Variants in RPS6KA6 observed in about 807,000 individuals in gnomAD.
RPS6KA6 encodes the protein ribosomal protein S6 kinase A6, also known as ribosomal protein S6 kinase alpha-6.
A neutral mutation model predicts 65.4 loss-of-function variants in RPS6KA6; 27 were observed. The ratio of observed to expected loss-of-function variants is 0.41; its 90% CI spans 0.30 to 0.57. RPS6KA6 has a LOEUF of 0.57. Ranked by LOEUF, RPS6KA6 falls within the 20% of genes least tolerant of loss-of-function variation. The pLI is 0.24. For missense variants in RPS6KA6, 486 were observed against 555.6 expected (o/e 0.87, Z 1.26); for synonymous variants, 190 against 184.2 (o/e 1.03, Z -0.26).
Position 84,139,560 on chromosome X carries a change from C to T in RPS6KA6, c.502-4350G>A, listed in dbSNP as rs2035058366. Among the ~76,000 whole-genome samples the T allele has an allele frequency of 7.2e-5, 8 of 111,742 alleles. No individual in the cohort carries two copies. The Admixed American group carries it at 7.6e-4, about 11-fold the overall frequency. On this transcript the variant is annotated intron_variant, in intron 6 of 21. Coordinates refer to ENST00000262752, the MANE Select transcript of RPS6KA6 (RefSeq NM_014496.5). ...GCCACTTAAGCACTGGCTAGCATAC[C>T]AGAAACACACTGTTCCTTTATCACA... is the stretch of plus-strand genomic sequence containing the variant.
chrX:84,172,290 G>T (rs1335663204), intron 1 of RPS6KA6, among the ~76,000 whole-genome samples: 2 of 111,496 alleles, frequency 1.8e-5, no homozygotes, highest in African/African-American at 6.5e-5. Context: ...GGTATTTCTG[G>T]TCCTAGATCC....
intron 6 of RPS6KA6, among the ~76,000 whole-genome samples, chrX:84,136,198 C>T (rs773189590): frequency 1.6e-4 from 18 of 111,254 alleles, no homozygotes; most frequent in East Asian, 8.4e-4. Context: ...GCAAGAACTC[C>T]GGATTGGCAA....
At chrX:84,140,898 GA>G (rs766986572) in intron 6 of RPS6KA6, among the ~76,000 whole-genome samples, 2 of 109,152 alleles carry the variant, frequency 1.8e-5, no homozygotes, top group Non-Finnish European at 3.8e-5. Context: ...CCAAAAGTTA[GA>G]ATGAAAAGCC....
chrX:84,132,728 C>A (rs745755623), intron 8 of RPS6KA6, among the ~76,000 whole-genome samples: 1 of 105,637 alleles, frequency 9.5e-6, no homozygotes, highest in African/African-American at 3.4e-5. Context: ...TTGGGAATAT[C>A]CACTCTCATC....
intron 8 of RPS6KA6, among the ~76,000 whole-genome samples, chrX:84,123,766 T>C (rs1331545382): frequency 8.9e-6 from 1 of 112,103 alleles, no homozygotes; most frequent in Non-Finnish European, 1.9e-5. Context: ...GGGGAACTCA[T>C]TGCCCTGAAA....
chrX:84,058,398 A>G lies in RPS6KA6; in HGVS notation c.*5879T>C, dbSNP rs1266415858. 1.8e-5 allele frequency: 2 copies of G among 112,259 alleles called. No individual in the cohort carries two copies. The highest frequency in any genetic ancestry group is 3.8e-5 in the Non-Finnish European group (2 of 53,288). 9.3% of individuals were successfully genotyped at this position (112,259 alleles called of 1,213,427 possible). On this transcript the variant is annotated 3_prime_UTR_variant, in exon 22 of 22. Coordinates refer to ENST00000262752, the MANE Select transcript of RPS6KA6 (RefSeq NM_014496.5). The stretch of plus-strand genomic sequence containing the variant: ...ATTTGGTACCCAGAGAATGCCAGTA[A>G]TTTAACATATCTTGAGAACTGTTGC...
At chrX:84,187,278 C>G (rs1412216109) in intron 1 of RPS6KA6, 4 of 111,924 alleles carry the variant, frequency 3.6e-5, no homozygotes, top group African/African-American at 1.3e-4. Context: ...TTACAAGGAA[C>G]CATAACAAGC....
rs2035582796 is a variant in RPS6KA6 at position 84,165,475 on chromosome X, G to A, written c.82-1088C>T. On this transcript the variant is annotated intron_variant, in intron 1 of 21. Transcript: ENST00000262752. ...AAATTAACTCTGATGAATTCCCTAG[G>A]TTTATTTTCTACCTTTATCTCCTGA... Among the ~76,000 whole-genome samples the A allele has an allele frequency of 3.6e-5, 4 of 111,255 alleles. No individual in the cohort carries two copies. The Admixed American group carries it at 3.8e-4, about 11-fold the overall frequency.
At chrX:84,148,790 T>C (rs1285904302) in intron 3 of RPS6KA6, among the ~76,000 whole-genome samples, 1 of 111,762 alleles carries the variant, frequency 8.9e-6, no homozygotes, top group African/African-American at 3.3e-5. Context: ...GTGGAGGGTC[T>C]TGCCTCAATG....
chrX:84,150,692 C>G (rs929508888), intron 3 of RPS6KA6, among the ~76,000 whole-genome samples: 15 of 107,660 alleles, frequency 1.4e-4, no homozygotes, highest in Non-Finnish European at 2.1e-4. Context: ...ACACTAACAT[C>G]AAAGATCACA....
chrX:84,112,874 C>T (rs918157182), intron 12 of RPS6KA6, among the ~76,000 whole-genome samples: 1 of 111,509 alleles, frequency 9.0e-6, no homozygotes, highest in Non-Finnish European at 1.9e-5. Context: ...AAATGAGAAG[C>T]TGGTTCTTTG....
Position 84,059,307 on chromosome X carries a change from T to G in RPS6KA6, c.*4970A>C, listed in dbSNP as rs1051113823. Reference sequence around the variant, plus strand: ...CCACCACACCTGGCTAACTTTGTATTTTTAGTAGAGACGGGTTTCTCCATG... The same window carrying G: ...CCACCACACCTGGCTAACTTTGTATGTTTAGTAGAGACGGGTTTCTCCATG... On this transcript the variant is annotated 3_prime_UTR_variant, in exon 22 of 22. Coordinates refer to ENST00000262752, the MANE Select transcript of RPS6KA6 (RefSeq NM_014496.5). 9 of 108,160 alleles carry G rather than the reference T, an allele frequency of 8.3e-5. No homozygotes were observed. The highest frequency in any genetic ancestry group is 3.0e-4 in the African/African-American group (9 of 29,618). 8.9% of individuals were successfully genotyped at this position (108,160 alleles called of 1,213,427 possible).
chrX:84,147,934 C>T (rs898208972), intron 4 of RPS6KA6, 108 bp downstream of exon 4: 3 of 413,443 alleles, frequency 7.3e-6, no homozygotes, highest in African/African-American at 5.1e-5. Flanking sequence ...CCACAAATAC[C>T]AATGTTAAAA....
intron 1 of RPS6KA6, among the ~76,000 whole-genome samples, chrX:84,180,520 CTTT>C (rs1334214663): frequency 3.7e-4 from 41 of 111,638 alleles, no homozygotes; most frequent in Admixed American, 3.8e-4. Context: ...ACCACATTGT[CTTT>C]ATTATAGTTA....
chrX:84,091,356 T>C (rs6616895), intron 20 of RPS6KA6, among the ~76,000 whole-genome samples: 6,943 of 112,142 alleles, frequency 0.062, 229 homozygotes, highest in East Asian at 0.2. Context: ...AAGTATCCAA[T>C]TGAGTACTCA....
At chrX:84,150,373 A>G (rs887957538) in intron 3 of RPS6KA6, among the ~76,000 whole-genome samples, 11 of 111,875 alleles carry the variant, frequency 9.8e-5, no homozygotes, top group African/African-American at 3.2e-4. Flanking sequence ...GTTTGGCACA[A>G]GAACCTTAGC....
At chrX:84,145,351 C>A in intron 6 of RPS6KA6, 127 bp downstream of exon 6, 1 of 430,730 alleles carries the variant, frequency 2.3e-6, no homozygotes, top group Non-Finnish European at 4.0e-6. Flanking sequence ...TTACCAAATA[C>A]TATGCAATGA....
At position 84,059,127 on chromosome X, in the gene RPS6KA6, T is replaced by G. The variant is rs1228602907; in HGVS notation, c.*5150A>C. 2.6e-5 allele frequency: 2 copies of G among 78,169 alleles called. No homozygotes were observed. Among genetic ancestry groups the G allele is most frequent in the African/African-American group, 9.4e-5 (2 of 21,364 alleles). The allele number at this position is 78,169 out of a possible 1,213,427, so 6.4% of individuals were successfully genotyped here. On this transcript the variant is annotated 3_prime_UTR_variant, in exon 22 of 22. Coordinates refer to ENST00000262752, the MANE Select transcript of RPS6KA6 (RefSeq NM_014496.5). ...GCTGTTTCTTTTCTTTTTTTTTTTT[T>G]TTTTTTTTTTTTTTTTTTGTGAGAC... is the stretch of plus-strand genomic sequence containing the variant.
chrX:84,154,815 CT>C (rs1322565085), intron 3 of RPS6KA6, among the ~76,000 whole-genome samples: 1 of 111,441 alleles, frequency 9.0e-6, no homozygotes. Context: ...TTTTTGTGTC[CT>C]GAAAATGTTT....
Sources: allele counts gnomAD v4.1 joint callset (sites outside exome capture counted in the v4.1 genomes callset), GRCh38; gene constraint gnomAD v4.1.1; transcripts MANE v1.5; gene names NCBI Gene and HGNC (gene_info 2026-07-23, HGNC 2026-07-21).